Variants in NTM observed in about 807,000 individuals in gnomAD.
NTM encodes IgLON family member 2.
In NTM, 13 loss-of-function variants were observed where a neutral mutation model predicts 42.1. The observed-to-expected ratio is 0.31, with a 90% CI of 0.20 to 0.49. NTM has a LOEUF of 0.49. NTM is among the 20% of genes least tolerant of loss of function. NTM has a pLI of 0.99. For missense variants in NTM, 373 were observed against 452.8 expected, an observed-to-expected ratio of 0.82 and a Z score of 1.60; for synonymous variants, 187 against 179.2, an observed-to-expected ratio of 1.04 and a Z score of -0.35.
Position 131,606,832 on chromosome 11 carries a change from C to T in NTM, c.82+235944C>T, listed in dbSNP as rs543504386. Among the ~76,000 whole-genome samples the T allele has an allele frequency of 3.2e-4, 48 of 152,220 alleles. No homozygotes were observed. The South Asian group carries it at 9.8e-3, about 31-fold the overall frequency. On this transcript the variant is annotated intron_variant, in intron 1 of 8. Transcript: ENST00000683400. ...GGCCAGTGTGCTTTAGTGAGTTTTCCTACCCCAGCACAAAAAAAAGAGGCC... is the reference window on the plus strand; with the variant it reads ...GGCCAGTGTGCTTTAGTGAGTTTTCTTACCCCAGCACAAAAAAAAGAGGCC...
chr11:131,828,290 A>G (rs532053541), intron 1 of NTM, among the ~76,000 whole-genome samples: 1 of 152,174 alleles, frequency 6.6e-6, no homozygotes, highest in South Asian at 2.1e-4. Flanking sequence ...GACCACTTTC[A>G]CTATTAACAC....
At chr11:132,078,155 A>G (rs1396989424) in intron 2 of NTM, among the ~76,000 whole-genome samples, 1 of 152,210 alleles carries the variant, frequency 6.6e-6, no homozygotes, top group Non-Finnish European at 1.5e-5. Flanking sequence ...ATCAGGTCTA[A>G]CAATGTTTGT....
At chr11:131,545,695 G>A (rs2053841477) in intron 1 of NTM, among the ~76,000 whole-genome samples, 1 of 152,200 alleles carries the variant, frequency 6.6e-6, no homozygotes, top group African/African-American at 2.4e-5. Flanking sequence ...GGAGTTTTAA[G>A]AAGGTGATGA....
At chr11:131,750,127 T>C (rs2082302948) in intron 1 of NTM, among the ~76,000 whole-genome samples, 1 of 152,224 alleles carries the variant, frequency 6.6e-6, no homozygotes, top group Admixed American at 6.5e-5. Flanking sequence ...AAAGCACTCA[T>C]CCCCTAACGT....
chr11:131,982,605 T>C (rs1282822523), intron 2 of NTM, among the ~76,000 whole-genome samples: 1 of 151,966 alleles, frequency 6.6e-6, no homozygotes, highest in Non-Finnish European at 1.5e-5. Context: ...CAAGTGTCAC[T>C]GGAGACACAT....
At chr11:131,387,180 T>G (rs890930741) in intron 1 of NTM, among the ~76,000 whole-genome samples, 10 of 152,318 alleles carry the variant, frequency 6.6e-5, no homozygotes, top group African/African-American at 1.9e-4. Context: ...TGTGAAAACT[T>G]TCGGCACTCA....
chr11:131,892,440 C>T (rs2051514673), intron 1 of NTM, among the ~76,000 whole-genome samples: 1 of 152,210 alleles, frequency 6.6e-6, no homozygotes. Flanking sequence ...TGCATCACTC[C>T]TCTCAGCTGT....
At chr11:131,825,261 C>T (rs1478400476) in intron 1 of NTM, among the ~76,000 whole-genome samples, 1 of 152,126 alleles carries the variant, frequency 6.6e-6, no homozygotes. Context: ...TGGATGAGGG[C>T]CCCAGCCAAT....
At chr11:132,280,802 T>C (rs997415268) in intron 4 of NTM, among the ~76,000 whole-genome samples, 30 of 149,510 alleles carry the variant, frequency 2.0e-4, no homozygotes, top group Non-Finnish European at 3.6e-4. Context: ...AGTCTTCTTA[T>C]TGTGAATTGT....
chr11:132,157,729 C>G (rs1057425058), intron 3 of NTM, among the ~76,000 whole-genome samples: 5 of 152,172 alleles, frequency 3.3e-5, no homozygotes, highest in African/African-American at 1.2e-4. Context: ...AAACATAGAT[C>G]TCTTGAATTC....
rs572515790 is a variant in NTM at position 132,070,421 on chromosome 11, G to A, written c.168-75861G>A. Among the ~76,000 whole-genome samples the A allele has an allele frequency of 4.3e-4, 53 of 123,262 alleles. 1 individual carries two copies. The South Asian group carries it at 4.5e-3, about 11-fold the overall frequency. 80.9% of individuals were successfully genotyped at this position (123,262 alleles called of 152,430 possible). On this transcript the variant is annotated intron_variant, in intron 2 of 8. Coordinates refer to ENST00000683400, the MANE Select transcript of NTM (RefSeq NM_001352005.2). ...AGTAAGTTAACACGTCAAACTGACC[G>A]TCACAGGTTAGTTAACACGTCACAC...
chr11:131,475,355 C>A (rs1952819174), intron 1 of NTM, among the ~76,000 whole-genome samples: 1 of 152,060 alleles, frequency 6.6e-6, no homozygotes, highest in African/African-American at 2.4e-5. Flanking sequence ...GGAGAGGTTT[C>A]TATATATTTT....
At chr11:131,731,344 G>C (rs184581943) in intron 1 of NTM, among the ~76,000 whole-genome samples, 5 of 151,892 alleles carry the variant, frequency 3.3e-5, no homozygotes, top group African/African-American at 1.2e-4. Context: ...AAAATAACTC[G>C]TTTAGTCTCC....
chr11:131,907,855 T>G (rs1165830992), intron 1 of NTM, among the ~76,000 whole-genome samples: 2 of 152,208 alleles, frequency 1.3e-5, no homozygotes, highest in Non-Finnish European at 2.9e-5. Context: ...CACTAAGTGT[T>G]GGTCATATTT....
intron 2 of NTM, among the ~76,000 whole-genome samples, chr11:131,960,752 C>T (rs993213503): frequency 2.0e-5 from 3 of 152,158 alleles, no homozygotes; most frequent in East Asian, 3.9e-4. Flanking sequence ...GGGTCTACAG[C>T]GTTCCTCTCC....
At chr11:131,505,781 GA>G (rs1212761646) in intron 1 of NTM, among the ~76,000 whole-genome samples, 2 of 152,206 alleles carry the variant, frequency 1.3e-5, no homozygotes, top group Non-Finnish European at 2.9e-5. Context: ...CAACCCAGTT[GA>G]GAACTATCTT....
intron 1 of NTM, among the ~76,000 whole-genome samples, chr11:131,438,704 A>G (rs533741604): frequency 6.6e-6 from 1 of 152,240 alleles, no homozygotes; most frequent in Non-Finnish European, 1.5e-5. Flanking sequence ...CAAGGTTTTT[A>G]GCTTCCTTGT....
chr11:131,860,461 A>G (rs1050715879), intron 1 of NTM, among the ~76,000 whole-genome samples: 1 of 152,200 alleles, frequency 6.6e-6, no homozygotes, highest in African/African-American at 2.4e-5. Flanking sequence ...GTTTCTGCCC[A>G]GGGAAGCCCA....
Position 132,040,940 on chromosome 11 carries a change from G to A in NTM, c.168-105342G>A, listed in dbSNP as rs150505854. Among the ~76,000 whole-genome samples the A allele has an allele frequency of 6.6e-5, 10 of 152,292 alleles. No individual in the cohort carries two copies. In the East Asian group the frequency reaches 1.9e-3, roughly 29 times the overall value. ...GGTTTAAAAAAGGGGGTCATAGCTAGCTCCACGGTGTTATGAAGATTAAAT... is the reference window on the plus strand; with the variant it reads ...GGTTTAAAAAAGGGGGTCATAGCTAACTCCACGGTGTTATGAAGATTAAAT... On this transcript the variant is annotated intron_variant, in intron 2 of 8. Coordinates refer to ENST00000683400, the MANE Select transcript of NTM (RefSeq NM_001352005.2).
Sources: allele counts gnomAD v4.1 joint callset (sites outside exome capture counted in the v4.1 genomes callset), GRCh38; gene constraint gnomAD v4.1.1; transcripts MANE v1.5; gene names NCBI Gene and HGNC (gene_info 2026-07-23, HGNC 2026-07-21).